Variants in LYPD6B observed in about 807,000 individuals in gnomAD.
The protein encoded by LYPD6B is LY6/PLAUR domain containing 6B, also known as ly6/PLAUR domain-containing protein 6B.
In LYPD6B, 17 loss-of-function variants were observed where a neutral mutation model predicts 22.8. The ratio of observed to expected loss-of-function variants is 0.75; its 90% CI spans 0.51 to 1.12. LYPD6B has a LOEUF of 1.12. Ranked by LOEUF, LYPD6B falls within the 50% of genes most tolerant of loss-of-function variation. The probability of loss-of-function intolerance (pLI) is 0.00; values close to 1 mark genes in which losing one functional copy is unlikely to be tolerated. For missense variants in LYPD6B, 221 were observed against 258.3 expected (o/e 0.86, Z 0.99); for synonymous variants, 106 against 91.6 (o/e 1.16, Z -0.90).
rs1028136069 is a variant in LYPD6B, at chr2:149,215,009, G to C, written c.*299G>C. 6 of 353,226 alleles carry C rather than the reference G, an allele frequency of 1.7e-5. No individual in the cohort carries two copies. Among genetic ancestry groups the C allele is most frequent in the African/African-American group, 1.2e-4 (6 of 49,328 alleles). The allele number at this position is 353,226 out of a possible 1,614,324, so 21.9% of individuals were successfully genotyped here. On this transcript the variant is annotated 3_prime_UTR_variant, in exon 7 of 7. Transcript: ENST00000409642. ...CTGGCAACTAGTCCCACCTGACTAG[G>C]CCTTTAGCTGAAAGGATTTCTTGAC...
intron 2 of LYPD6B, among the ~76,000 whole-genome samples, chr2:149,152,751 A>G (rs1252060042): frequency 1.3e-5 from 2 of 152,148 alleles, no homozygotes; most frequent in African/African-American, 4.8e-5. Context: ...ATGAAGCTAG[A>G]GTTTCTTCAG....
chr2:149,212,807 G>C (rs1410879215), intron 5 of LYPD6B, among the ~76,000 whole-genome samples, 185 bp from the exon 6 acceptor site: 1 of 152,122 alleles, frequency 6.6e-6, no homozygotes, highest in Non-Finnish European at 1.5e-5. Flanking sequence ...TCAGAAGCTG[G>C]TGTCCTTTGA....
intron 2 of LYPD6B, among the ~76,000 whole-genome samples, chr2:149,156,308 G>A (rs898108169): frequency 3.3e-5 from 5 of 152,182 alleles, no homozygotes; most frequent in Non-Finnish European, 5.9e-5. Context: ...CCTGCTTGGG[G>A]ATAAGGGAAT....
At position 149,038,719 on chromosome 2, in the gene LYPD6B, G is replaced by C. The variant is rs1319765053; in HGVS notation, c.-149G>C. 1.3e-5 allele frequency: 2 copies of C among 151,624 alleles called. No homozygotes were observed. Among genetic ancestry groups the C allele is most frequent in the African/African-American group, 4.8e-5 (2 of 41,376 alleles). 9.4% of individuals were successfully genotyped at this position (151,624 alleles called of 1,614,324 possible). On this transcript the variant is annotated 5_prime_UTR_variant, in exon 1 of 7. Coordinates refer to ENST00000409642, the MANE Select transcript of LYPD6B (RefSeq NM_177964.5). ...CCCGCCCCGCGCGGTAGCAGCCAAC[G>C]CCGGCCCCAGGCGGGTGCGCTGGGA... is the stretch of plus-strand genomic sequence containing the variant.
chr2:149,214,604 C>T lies in LYPD6B; in HGVS notation c.518C>T (p.Thr173Ile). ...ICNVELPTNH[T>I]NAVFAVMHAQ... Reference sequence around the variant, plus strand: ...AATGTAGAATTACCCACCAATCACACTAATGCAGTGTTTGCCGTAATGCAC... The same window carrying T: ...AATGTAGAATTACCCACCAATCACATTAATGCAGTGTTTGCCGTAATGCAC... Residue 173 changes from threonine to isoleucine, a missense_variant, in exon 7 of 7, where the codon ACT (threonine) becomes ATT (isoleucine). Physicochemically the swap from Thr to Ile is moderately conservative, Grantham distance 89. Coordinates refer to ENST00000409642, the MANE Select transcript of LYPD6B (RefSeq NM_177964.5). 1 of 1,613,910 alleles carries T rather than the reference C, an allele frequency of 6.2e-7. No homozygotes were observed. The highest frequency in any genetic ancestry group is 8.5e-7 in the Non-Finnish European group (1 of 1,179,830).
At chr2:149,162,669 A>G (rs1690154640) in intron 3 of LYPD6B, among the ~76,000 whole-genome samples, 1 of 152,178 alleles carries the variant, frequency 6.6e-6, no homozygotes, top group Non-Finnish European at 1.5e-5. Flanking sequence ...AAGAGTAAAA[A>G]TCACCCAATT....
intron 1 of LYPD6B, among the ~76,000 whole-genome samples, chr2:149,110,409 T>C (rs1400729001): frequency 6.6e-6 from 1 of 152,198 alleles, no homozygotes; most frequent in East Asian, 1.9e-4. Context: ...TTTACTTTGT[T>C]GGGTGCTGTA....
At chr2:149,214,003 T>G (rs911925150) in intron 6 of LYPD6B, among the ~76,000 whole-genome samples, 2 of 152,216 alleles carry the variant, frequency 1.3e-5, no homozygotes, top group African/African-American at 4.8e-5. Context: ...TGGTATTACC[T>G]GAAAACATCC....
At position 149,075,674 on chromosome 2, in the gene LYPD6B, G is replaced by A. The variant is rs1426873832; in HGVS notation, c.-67+36873G>A. On this transcript the variant is annotated intron_variant, in intron 1 of 6. Transcript: ENST00000409642. ...TGTGCATAGTTTGACTATGACCTGG[G>A]TTTGACTCCAGGTTTGTGGAAAATC... 4.6e-5 allele frequency among the ~76,000 whole-genome samples: 7 copies of A among 151,472 alleles called. No homozygotes were observed. In the South Asian group the frequency reaches 1.2e-3, roughly 27 times the overall value.
At chr2:149,111,198 A>G (rs1049719550) in intron 1 of LYPD6B, among the ~76,000 whole-genome samples, 1 of 152,166 alleles carries the variant, frequency 6.6e-6, no homozygotes, top group African/African-American at 2.4e-5. Flanking sequence ...GAAGGTGGTA[A>G]GAACTGTAGA....
At chr2:149,120,815 C>T (rs1483145844) in intron 1 of LYPD6B, among the ~76,000 whole-genome samples, 7 of 105,706 alleles carry the variant, frequency 6.6e-5, no homozygotes, top group Non-Finnish European at 1.0e-4. Flanking sequence ...TGTGAGACAG[C>T]GTCTTGCTCT....
rs115121437 is a variant in LYPD6B, at chr2:149,090,848, G to A, written c.-66-40035G>A. Among the ~76,000 whole-genome samples the A allele has an allele frequency of 6.6e-3, 998 of 152,108 alleles. 2 individuals carry two copies. The highest frequency in any genetic ancestry group is 0.011 in the Non-Finnish European group (729 of 67,978). On this transcript the variant is annotated intron_variant, in intron 1 of 6. Coordinates refer to ENST00000409642, the MANE Select transcript of LYPD6B (RefSeq NM_177964.5). ...GCATTGATCATTTTGAAATCACAAG[G>A]GTATAAAACCACAGCATTTGGCAAT...
intron 3 of LYPD6B, among the ~76,000 whole-genome samples, chr2:149,189,342 T>TTTTATATATATATATATA (rs1553500263): frequency 3.0e-5 from 2 of 66,112 alleles, no homozygotes; most frequent in African/African-American, 1.2e-4. Flanking sequence ...TTGTCCAAAA[T>TTTTATATATATATATATA]TATATATATA....
At chr2:149,115,232 C>T (rs189257449) in intron 1 of LYPD6B, among the ~76,000 whole-genome samples, 3 of 152,294 alleles carry the variant, frequency 2.0e-5, no homozygotes, top group African/African-American at 7.2e-5. Context: ...AGCCACCATG[C>T]CCAGCCTACA....
intron 1 of LYPD6B, among the ~76,000 whole-genome samples, chr2:149,044,809 A>G (rs949522511): frequency 7.1e-6 from 1 of 140,884 alleles, no homozygotes; most frequent in African/African-American, 2.6e-5. Flanking sequence ...TGTTTTTTAA[A>G]ATTATGGGTG....
intron 3 of LYPD6B, among the ~76,000 whole-genome samples, chr2:149,163,060 AG>A (rs1690187936): frequency 6.6e-6 from 1 of 152,172 alleles, no homozygotes; most frequent in African/African-American, 2.4e-5. Context: ...GGGGTGGGGC[AG>A]GAGTCCTGCT....
intron 3 of LYPD6B, among the ~76,000 whole-genome samples, chr2:149,167,195 A>G (rs1204697752): frequency 1.3e-5 from 2 of 152,126 alleles, no homozygotes; most frequent in East Asian, 3.9e-4. Flanking sequence ...CTCTCCAAAC[A>G]GTATTTTACT....
chr2:149,150,963 T>A (rs1295168191), intron 2 of LYPD6B, among the ~76,000 whole-genome samples: 1 of 152,214 alleles, frequency 6.6e-6, no homozygotes, highest in African/African-American at 2.4e-5. Flanking sequence ...CCTATTCTCA[T>A]TATTCTTTTT....
rs761897298 is a variant in LYPD6B at position 149,146,215 on chromosome 2, A to T, written c.6-14549A>T. On this transcript the variant is annotated intron_variant, in intron 2 of 6. Coordinates refer to ENST00000409642, the MANE Select transcript of LYPD6B (RefSeq NM_177964.5). ...AAAATTGCAATGACGTGGCGTGCTCATGGGGGAATGAAGAGTGGACTGTTC... is the reference window on the plus strand; with the variant it reads ...AAAATTGCAATGACGTGGCGTGCTCTTGGGGGAATGAAGAGTGGACTGTTC... Among the ~76,000 whole-genome samples, 5 of 152,342 alleles carry T rather than the reference A, an allele frequency of 3.3e-5. No individual in the cohort carries two copies. In the South Asian group the frequency reaches 1.0e-3, roughly 32 times the overall value.
Sources: allele counts gnomAD v4.1 joint callset (sites outside exome capture counted in the v4.1 genomes callset), GRCh38; gene constraint gnomAD v4.1.1; transcripts MANE v1.5; gene names NCBI Gene and HGNC (gene_info 2026-07-23, HGNC 2026-07-21).